The following ATP9A variants were observed in gnomAD, a reference collection of about 807,000 sequenced individuals.
ATP9A encodes probable phospholipid-transporting ATPase IIA.
In ATP9A, 52 loss-of-function variants were observed where a neutral mutation model predicts 144.1. That is an observed-to-expected ratio of 0.36 (90% CI 0.29 to 0.45). The LOEUF (loss-of-function observed/expected upper bound fraction) is 0.45. ATP9A is among the 20% of genes least tolerant of loss of function. The pLI is 1.00. For missense variants in ATP9A, 947 were observed against 1,392.7 expected (o/e 0.68, Z 5.09); for synonymous variants, 582 against 557.4 (o/e 1.04, Z -0.62).
intron 14 of ATP9A, among the ~76,000 whole-genome samples, chr20:51,649,507 A>G (rs1378725665): frequency 6.6e-6 from 1 of 152,254 alleles, no homozygotes; most frequent in Non-Finnish European, 1.5e-5. Flanking sequence ...CACTGCCGTC[A>G]GTACCACTGT....
intron 4 of ATP9A, among the ~76,000 whole-genome samples, chr20:51,708,347 GAAAACT>G (rs200383909): frequency 0.015 from 2,300 of 150,692 alleles, 28 homozygotes; most frequent in Non-Finnish European, 0.022. Flanking sequence ...CTAAAATGTT[GAAAACT>G]AAAACAAAGC....
At chr20:51,635,047 G>A (rs2077285250) in intron 15 of ATP9A, among the ~76,000 whole-genome samples, 1 of 152,040 alleles carries the variant, frequency 6.6e-6, no homozygotes, top group Non-Finnish European at 1.5e-5. Context: ...AGTGGAGCTG[G>A]GCCTAGTGAC....
intron 9 of ATP9A, among the ~76,000 whole-genome samples, chr20:51,681,108 T>C (rs1474825645): frequency 6.6e-6 from 1 of 152,218 alleles, no homozygotes; most frequent in African/African-American, 2.4e-5. Flanking sequence ...AGATGACCTC[T>C]CCAAGGCATG....
intron 3 of ATP9A, among the ~76,000 whole-genome samples, chr20:51,713,952 G>A (rs1168847202): frequency 6.6e-6 from 1 of 152,142 alleles, no homozygotes; most frequent in African/African-American, 2.4e-5. Context: ...CTGTCACCAG[G>A]CTGGAGTGCA....
chr20:51,734,083 C>T (rs1404441670), intron 1 of ATP9A, among the ~76,000 whole-genome samples: 1 of 151,964 alleles, frequency 6.6e-6, no homozygotes, highest in Non-Finnish European at 1.5e-5. Context: ...CTCAACCAAT[C>T]CTCCCACCTC....
In ATP9A at chr20:51,736,945, A is replaced by G. The variant is rs539030298; in HGVS notation, c.69-6967T>C. Among the ~76,000 whole-genome samples, 43 of 152,312 alleles carry G rather than the reference A, an allele frequency of 2.8e-4. No homozygotes were observed. The South Asian group carries it at 5.8e-3, about 21-fold the overall frequency. On this transcript the variant is annotated intron_variant, in intron 1 of 27. Coordinates refer to ENST00000338821, the MANE Select transcript of ATP9A (RefSeq NM_006045.3). ...GATGTAGAAATGCACAATCTCTAAA[A>G]TGTCAAAAATGAAAAAGAAATGCAC...
intron 1 of ATP9A, among the ~76,000 whole-genome samples, chr20:51,733,338 C>T (rs1346299773): frequency 1.3e-5 from 2 of 151,908 alleles, no homozygotes; most frequent in Non-Finnish European, 2.9e-5. Flanking sequence ...AAGATGGAGA[C>T]ACCAATAGAT....
chr20:51,699,059 C>T (rs897168632), intron 4 of ATP9A, among the ~76,000 whole-genome samples: 1 of 152,050 alleles, frequency 6.6e-6, no homozygotes, highest in African/African-American at 2.4e-5. Flanking sequence ...TAATTATAGG[C>T]CGGGCACCAC....
In ATP9A at chr20:51,674,133, C is replaced by T. The variant is rs368489596; in HGVS notation, c.1037+20G>A. 9 of 1,611,020 alleles carry T rather than the reference C, an allele frequency of 5.6e-6. No individual in the cohort carries two copies. In the African/African-American group the frequency reaches 1.2e-4, roughly 22 times the overall value. On this transcript the variant is annotated intron_variant, in intron 11 of 27. Transcript: ENST00000338821. ...AAGAAGATGTCACGGCAGCCAAACT[C>T]AAGCTCGTCGCCTGCTTACCTAATG...
intron 12 of ATP9A, among the ~76,000 whole-genome samples, chr20:51,670,701 T>C (rs534164874): frequency 1.8e-4 from 27 of 152,200 alleles, no homozygotes; most frequent in Non-Finnish European, 2.4e-4. Context: ...TCTGATAGCC[T>C]AATGCCTGGA....
At chr20:51,766,106 G>A (rs1332225576) in intron 1 of ATP9A, among the ~76,000 whole-genome samples, 2 of 152,158 alleles carry the variant, frequency 1.3e-5, no homozygotes, top group African/African-American at 2.4e-5. Context: ...TTTCTATCAC[G>A]CTAATGATCA....
chr20:51,697,863 A>G (rs1184529059), intron 4 of ATP9A, among the ~76,000 whole-genome samples: 1 of 152,240 alleles, frequency 6.6e-6, no homozygotes, highest in Non-Finnish European at 1.5e-5. Flanking sequence ...AACACCACCA[A>G]AAAGAAAGAA....
intron 1 of ATP9A, among the ~76,000 whole-genome samples, chr20:51,755,958 G>GA (rs139135085): frequency 2.7e-4 from 39 of 142,250 alleles, no homozygotes; most frequent in African/African-American, 4.4e-4. Context: ...CCATCTCAAA[G>GA]AAAAAAAAAA....
At chr20:51,634,029 C>T (rs1422420087) in intron 15 of ATP9A, among the ~76,000 whole-genome samples, 1 of 152,002 alleles carries the variant, frequency 6.6e-6, no homozygotes, top group Non-Finnish European at 1.5e-5. Context: ...GGGGGGCATG[C>T]CAGGTTAAAA....
chr20:51,671,351 G>A (rs1481756049), intron 11 of ATP9A, 94 bp from the exon 12 acceptor site: 26 of 1,420,104 alleles, frequency 1.8e-5, no homozygotes, highest in South Asian at 2.6e-5. Flanking sequence ...ATGTGCCATC[G>A]CATCCGGACT....
At chr20:51,760,849 C>G (rs914826401) in intron 1 of ATP9A, among the ~76,000 whole-genome samples, 4 of 152,046 alleles carry the variant, frequency 2.6e-5, no homozygotes, top group Non-Finnish European at 5.9e-5. Flanking sequence ...ATGGTGAAAC[C>G]CTGTCTCTAC....
At chr20:51,648,727 A>C (rs990782097) in intron 14 of ATP9A, among the ~76,000 whole-genome samples, 9 of 152,064 alleles carry the variant, frequency 5.9e-5, no homozygotes, top group Admixed American at 5.2e-4. Context: ...AGCTACTTGG[A>C]AGGCTGAGGC....
At chr20:51,615,966 T>C (rs1375803115) in intron 22 of ATP9A, among the ~76,000 whole-genome samples, 1 of 152,168 alleles carries the variant, frequency 6.6e-6, no homozygotes, top group African/African-American at 2.4e-5. Context: ...TAGTGAGCAC[T>C]ATTTTATATC....
intron 9 of ATP9A, among the ~76,000 whole-genome samples, chr20:51,680,117 C>T (rs1393992777): frequency 1.3e-5 from 2 of 151,498 alleles, no homozygotes; most frequent in African/African-American, 4.9e-5. Context: ...GTAATCCCAG[C>T]TACTGGGGAG....
Sources: allele counts gnomAD v4.1 joint callset (sites outside exome capture counted in the v4.1 genomes callset), GRCh38; gene constraint gnomAD v4.1.1; transcripts MANE v1.5; gene names NCBI Gene and HGNC (gene_info 2026-07-23, HGNC 2026-07-21).